The following SPIRE2 variants were observed in gnomAD, a reference collection of about 807,000 sequenced individuals.
SPIRE2 encodes protein spire homolog 2.
A neutral mutation model predicts 80.7 loss-of-function variants in SPIRE2; 76 were observed. The observed-to-expected ratio is 0.94, with a 90% CI of 0.78 to 1.14. The LOEUF (loss-of-function observed/expected upper bound fraction) is 1.14, where lower values mean the gene tolerates loss of function less well. SPIRE2 is among the 50% of genes most tolerant of loss of function. SPIRE2 has a pLI of 0.00. For synonymous variants in SPIRE2, 535 were observed against 432.6 expected (o/e 1.24, Z -2.94); for missense variants, 1,196 against 1,015.3 (o/e 1.18, Z -2.42).
At position 89,863,317 on chromosome 16, in the gene SPIRE2, G is replaced by A. The variant is rs1597223869; in HGVS notation, c.1576-159G>A. 2.1e-5 allele frequency: 16 copies of A among 776,184 alleles called. No homozygotes were observed. In the East Asian group the frequency reaches 4.3e-4, roughly 21 times the overall value. 48.1% of individuals were successfully genotyped at this position (776,184 alleles called of 1,614,324 possible). A position where few individuals can be genotyped will look rare whatever the true frequency, so the allele number is the denominator to read the frequency against. ...GCAGCAGGGCCCATCAAAGACATGG[G>A]GATGGATGGCTGATGGACAAGATGG... On this transcript the variant is annotated intron_variant, in intron 10 of 14. Coordinates refer to ENST00000378247, the MANE Select transcript of SPIRE2 (RefSeq NM_032451.2). The surrounding 1 kb of genome is among the most constrained non-coding windows in gnomAD (Gnocchi z 4.3).
chr16:89,870,110 C>T lies in SPIRE2; in HGVS notation c.1983C>T (p.His661=), dbSNP rs778471276. Residue 661 remains histidine, a synonymous_variant, in exon 15 of 15, where the codon CAC becomes CAT. Coordinates refer to ENST00000378247, the MANE Select transcript of SPIRE2 (RefSeq NM_032451.2). ...AGGCGTTCCCCCACATCTACTCCCA[C>T]GGCTGTGTCCTGAAGGATGTCTGCA... The part of the protein sequence containing the change: ...VEEAFPHIYS[H]GCVLKDVCSE... The T allele has an allele frequency of 4.0e-5, 64 of 1,613,422 alleles. No homozygotes were observed. The East Asian group carries it at 9.8e-4, about 25-fold the overall frequency.
intron 12 of SPIRE2, among the ~76,000 whole-genome samples, chr16:89,866,360 C>T (rs1199682505): frequency 2.6e-5 from 4 of 151,978 alleles, no homozygotes; most frequent in Non-Finnish European, 1.5e-5. Context: ...TGCAATGCCG[C>T]GATCTCAGCT....
chr16:89,869,053 A>AAAAATATATAT lies in SPIRE2; in HGVS notation c.1807-513_1807-512insAAATATATATA. ...TCTTAAAAAAAAAAAAAAAAAAAAA[A>AAAAATATATAT]ATATATATATATATATATATATGTT... is the stretch of plus-strand genomic sequence containing the variant. On this transcript the variant is annotated intron_variant, in intron 13 of 14. Coordinates refer to ENST00000378247, the MANE Select transcript of SPIRE2 (RefSeq NM_032451.2). 2.9e-4 allele frequency among the ~76,000 whole-genome samples: 7 copies of AAAAATATATAT among 24,026 alleles called. 1 individual carries two copies. Among genetic ancestry groups the AAAAATATATAT allele is most frequent in the African/African-American group, 9.8e-4 (6 of 6,094 alleles). The allele number at this position is 24,026 out of a possible 152,430, so 15.8% of individuals were successfully genotyped here.
intron 12 of SPIRE2, among the ~76,000 whole-genome samples, chr16:89,865,682 A>C (rs1398714321): frequency 6.6e-6 from 1 of 152,138 alleles, no homozygotes; most frequent in East Asian, 1.9e-4. Context: ...TAAAAAAGTA[A>C]GGCTGGGCCG....
chr16:89,864,701 T>C (rs1162921480), intron 12 of SPIRE2, among the ~76,000 whole-genome samples: 1 of 152,232 alleles, frequency 6.6e-6, no homozygotes, highest in Non-Finnish European at 1.5e-5. Context: ...GTGGAGTAAG[T>C]AGCCCAAAGT....
At chr16:89,830,799 C>T (rs1301715288) in intron 1 of SPIRE2, among the ~76,000 whole-genome samples, 1 of 150,746 alleles carries the variant, frequency 6.6e-6, no homozygotes, top group Non-Finnish European at 1.5e-5. Flanking sequence ...ATAATATTAT[C>T]TTAGCACACA....
intron 12 of SPIRE2, among the ~76,000 whole-genome samples, chr16:89,864,426 C>A: frequency 6.6e-6 from 1 of 152,322 alleles, no homozygotes; most frequent in East Asian, 1.9e-4. Flanking sequence ...ACTATAGCCA[C>A]GGGCCAAATC....
In SPIRE2 at chr16:89,828,808, C is replaced by G; in HGVS notation, c.244+14C>G. Reference sequence around the variant, plus strand: ...CCGAGGCCGCGGGTGAGGCCGGGGGCGGGGCAGCCGGCGGGGACCGCGGTC... The same window carrying G: ...CCGAGGCCGCGGGTGAGGCCGGGGGGGGGGCAGCCGGCGGGGACCGCGGTC... On this transcript the variant is annotated intron_variant, in intron 1 of 14. Transcript: ENST00000378247. The surrounding 1 kb of genome is among the most constrained non-coding windows in gnomAD (Gnocchi z 5.9). 8.5e-7 allele frequency: 1 copy of G among 1,176,260 alleles called. No homozygotes were observed. Among genetic ancestry groups the G allele is most frequent in the Non-Finnish European group, 1.1e-6 (1 of 952,092 alleles). The allele number at this position is 1,176,260 out of a possible 1,614,324, so 72.9% of individuals were successfully genotyped here. A position where few individuals can be genotyped will look rare whatever the true frequency, so the allele number is the denominator to read the frequency against.
intron 14 of SPIRE2, 59 bp from the exon 15 acceptor site, chr16:89,869,991 G>T: frequency 6.8e-7 from 1 of 1,464,466 alleles, no homozygotes; most frequent in South Asian, 1.2e-5. Context: ...CACAAGCAGG[G>T]AGGGGGGTGT....
At chr16:89,861,685 C>A (rs926329278) in intron 10 of SPIRE2, among the ~76,000 whole-genome samples, 1 of 152,200 alleles carries the variant, frequency 6.6e-6, no homozygotes, top group Non-Finnish European at 1.5e-5. Context: ...CGTGAGGCTG[C>A]AGTTAGGATG....
chr16:89,866,524 G>A (rs1374526589), intron 12 of SPIRE2, among the ~76,000 whole-genome samples: 3 of 152,090 alleles, frequency 2.0e-5, no homozygotes, highest in Non-Finnish European at 2.9e-5. Context: ...TCCAACTCCC[G>A]ACCTCAGGTG....
chr16:89,856,269 T>C, intron 7 of SPIRE2, 33 bp downstream of exon 7: 1 of 1,542,070 alleles, frequency 6.5e-7, no homozygotes, highest in Non-Finnish European at 8.8e-7. Context: ...AAGAGAGCCC[T>C]GAGCCCCCGG....
At chr16:89,837,766 G>A (rs544568747) in intron 1 of SPIRE2, among the ~76,000 whole-genome samples, 1 of 152,332 alleles carries the variant, frequency 6.6e-6, no homozygotes, top group African/African-American at 2.4e-5. Flanking sequence ...GGAGGAGGAC[G>A]CCCCGTGCGG....
chr16:89,850,038 A>G (rs1268397790), intron 2 of SPIRE2: 4 of 569,354 alleles, frequency 7.0e-6, no homozygotes, highest in Middle Eastern at 2.9e-4. Flanking sequence ...GGGTTTCATC[A>G]TGTTGGTCAG....
intron 1 of SPIRE2, among the ~76,000 whole-genome samples, chr16:89,837,225 C>G (rs2041458830): frequency 6.6e-6 from 1 of 152,172 alleles, no homozygotes; most frequent in African/African-American, 2.4e-5. Flanking sequence ...TGAGAATCTG[C>G]ATCTGTAACA....
chr16:89,845,841 A>G (rs914706466), intron 2 of SPIRE2: 3 of 536,068 alleles, frequency 5.6e-6, no homozygotes, highest in Non-Finnish European at 9.8e-6. Flanking sequence ...TCATGTTTCC[A>G]CTTTCTACTG....
chr16:89,870,169 G>A lies in SPIRE2; in HGVS notation c.2042G>A (p.Arg681His), dbSNP rs146404751. 1.1e-4 allele frequency: 175 copies of A among 1,609,752 alleles called. 2 individuals are homozygous for A. Among genetic ancestry groups the A allele is most frequent in the African/African-American group, 1.3e-4 (10 of 74,840 alleles). The change falls in exon 15 of 15, where the codon CGT becomes CAT. Residue 681 changes from arginine (R) to histidine (H), a missense_variant. Transcript: ENST00000378247. ...ECTSFVADVVRSSRKSVDVLN... is the reference protein window; with the variant it reads ...ECTSFVADVVHSSRKSVDVLN... ...ACCAGCTTTGTGGCAGACGTGGTGC[G>A]TTCCAGCCGCAAGAGCGTGGACGTC... is the stretch of plus-strand genomic sequence containing the variant.
rs1225042528 is a variant in SPIRE2 at position 89,869,061 on chromosome 16, T to C, written c.1807-506T>C. On this transcript the variant is annotated intron_variant, in intron 13 of 14. Transcript: ENST00000378247. ...AAAAAAAAAAAAAAAAAAATATATA[T>C]ATATATATATATATGTTACCCCTCA... Among the ~76,000 whole-genome samples, 16 of 57,830 alleles carry C rather than the reference T, an allele frequency of 2.8e-4. 1 individual carries two copies. In the East Asian group the frequency reaches 8.4e-3, roughly 30 times the overall value. 37.9% of individuals were successfully genotyped at this position (57,830 alleles called of 152,430 possible).
chr16:89,831,731 C>G (rs1033747520), intron 1 of SPIRE2, among the ~76,000 whole-genome samples: 1 of 151,328 alleles, frequency 6.6e-6, no homozygotes, highest in East Asian at 1.9e-4. Flanking sequence ...AGGCCCCGCT[C>G]TTTACGCTAG....
Sources: gnomAD v4.1 joint callset for allele counts (sites outside exome capture counted in the v4.1 genomes callset) on GRCh38, gnomAD v4.1.1 for gene constraint, Gnocchi (gnomAD v3.1) non-coding constraint, MANE v1.5 for transcripts, NCBI Gene and HGNC (gene_info 2026-07-23, HGNC 2026-07-21) for gene names.